Variants in DYNC2H1 observed in about 807,000 individuals in gnomAD.
DYNC2H1 encodes the protein cytoplasmic dynein 2 heavy chain 1.
In DYNC2H1, 410 loss-of-function variants were observed where a neutral mutation model predicts 570.0. That is an observed-to-expected ratio of 0.72 (90% confidence interval 0.66 to 0.78). The LOEUF (loss-of-function observed/expected upper bound fraction) is 0.78. DYNC2H1 is among the 30% of genes least tolerant of loss of function. The pLI, the probability that DYNC2H1 is intolerant of heterozygous loss-of-function variation, is 0.00. For missense variants in DYNC2H1, 4,865 were observed against 5,046.4 expected (o/e 0.96, Z 1.09); for synonymous variants, 1,688 against 1,677.6 (o/e 1.01, Z -0.15).
chr11:103,170,140 G>T lies in DYNC2H1; in HGVS notation c.5001G>T (p.Leu1667=). The T allele has an allele frequency of 6.2e-7, 1 of 1,612,890 alleles. No individual in the cohort carries two copies. The highest frequency in any genetic ancestry group is 1.1e-5 in the South Asian group (1 of 90,930). Residue 1667 remains leucine, a synonymous_variant, in exon 33 of 89, where the codon CTG becomes CTT. Transcript: ENST00000375735. The surrounding 1 kb of genome is among the most constrained non-coding windows in gnomAD (Gnocchi z 4.8). ...GNASKLVYTP[L]TDKCYLTLTQ... ...CTTCCAAACTGGTTTATACTCCACT[G>T]ACAGACAAGTGCTACTTAACTCTCA... is the stretch of plus-strand genomic sequence containing the variant.
chr11:103,307,055 T>C (rs1867320384), intron 77 of DYNC2H1, among the ~76,000 whole-genome samples: 1 of 152,170 alleles, frequency 6.6e-6, no homozygotes, highest in Admixed American at 6.5e-5. Context: ...TTAAATTGTA[T>C]TTTGACAGAT....
intron 20 of DYNC2H1, among the ~76,000 whole-genome samples, chr11:103,150,123 T>C (rs192972422): frequency 6.6e-6 from 1 of 152,268 alleles, no homozygotes; most frequent in East Asian, 1.9e-4. Flanking sequence ...GAGGTGCAAT[T>C]GGAAAGAGAG....
Position 103,222,132 on chromosome 11 carries a change from T to G in DYNC2H1, c.9210T>G (p.Asn3070Lys). 6.3e-7 allele frequency: 1 copy of G among 1,576,978 alleles called. No individual in the cohort carries two copies. Among genetic ancestry groups the G allele is most frequent in the Non-Finnish European group, 8.6e-7 (1 of 1,159,086 alleles). Residue 3070 changes from asparagine (N) to lysine (K), a missense_variant, in exon 58 of 89, where the codon AAT (asparagine) becomes AAG (lysine). By Grantham distance (94) the Asn-to-Lys change is moderately conservative. Around this residue, in one of 5 missense-constraint regions of DYNC2H1, gnomAD observed 2,401 missense variants for 2,454.6 expected, o/e 0.98. Coordinates refer to ENST00000375735, the MANE Select transcript of DYNC2H1 (RefSeq NM_001377.3). The part of the protein sequence containing the change: ...RESVEELLFK[N>K]KGSFDPKNAK... ...GTGTTGAAGAACTTCTTTTTAAAAATAAAGGCTCTTTTGATCCAAAGGTAA... is the reference window on the plus strand; with the variant it reads ...GTGTTGAAGAACTTCTTTTTAAAAAGAAAGGCTCTTTTGATCCAAAGGTAA...
At chr11:103,126,715 C>G (rs1206111174) in intron 12 of DYNC2H1, among the ~76,000 whole-genome samples, 1 of 150,742 alleles carries the variant, frequency 6.6e-6, no homozygotes, top group Admixed American at 6.6e-5. Flanking sequence ...CAGCTCACTG[C>G]AAGCTCCGCC....
At chr11:103,212,586 C>G (rs956016048) in intron 54 of DYNC2H1, among the ~76,000 whole-genome samples, 25 of 151,994 alleles carry the variant, frequency 1.6e-4, no homozygotes, top group Admixed American at 1.3e-4. Flanking sequence ...TCACTTAGTA[C>G]ATTCTGAACA....
chr11:103,323,950 C>T lies in DYNC2H1; in HGVS notation c.11999C>T (p.Ala4000Val), dbSNP rs1304479790. 1 of 1,612,794 alleles carries T rather than the reference C, an allele frequency of 6.2e-7. No individual in the cohort carries two copies. Among genetic ancestry groups the T allele is most frequent in the Non-Finnish European group, 8.5e-7 (1 of 1,179,252 alleles). Residue 4000 changes from alanine to valine, a missense_variant, in exon 82 of 89, where the codon GCC becomes GTC. Physicochemically the swap from Ala to Val is moderately conservative, Grantham distance 64. Transcript: ENST00000375735. ...AAACCTAGTTTCTTTGGTCTGCCTG[C>T]CAATATCGCTCGCTCATCTCAGCGC... ...DDKPSFFGLPANIARSSQRMI... is the reference protein window; with the variant it reads ...DDKPSFFGLPVNIARSSQRMI...
chr11:103,429,869 C>T (rs569284227), intron 84 of DYNC2H1, among the ~76,000 whole-genome samples: 16 of 152,188 alleles, frequency 1.1e-4, no homozygotes, highest in African/African-American at 2.6e-4. Context: ...AGTCTTTTTT[C>T]ACACATCATA....
chr11:103,410,909 C>T (rs1042101254), intron 84 of DYNC2H1, among the ~76,000 whole-genome samples: 6 of 152,104 alleles, frequency 3.9e-5, no homozygotes, highest in African/African-American at 1.4e-4. Context: ...ACTGCTGTTT[C>T]CCGTGGGGGT....
rs138044501 is a variant in DYNC2H1, at chr11:103,350,844, A to G, written c.12040-7399A>G. 5.1e-3 allele frequency among the ~76,000 whole-genome samples: 777 copies of G among 152,104 alleles called. 5 individuals carry two copies. The highest frequency in any genetic ancestry group is 0.017 in the African/African-American group (711 of 41,484). ...CTATCAGATCAGGCCCCGAACCCCT[A>G]TGACCTCATTTACCCTTAATTACCT... On this transcript the variant is annotated intron_variant, in intron 82 of 88. Transcript: ENST00000375735.
At position 103,456,264 on chromosome 11, in the gene DYNC2H1, T is replaced by TAC. The variant is rs748948659; in HGVS notation, c.12567-10_12567-9dup. The TAC allele has an allele frequency of 1.8e-5, 29 of 1,596,276 alleles. No individual in the cohort carries two copies. Among genetic ancestry groups the TAC allele is most frequent in the Non-Finnish European group, 2.5e-5 (29 of 1,168,450 alleles). ...TTATTGATTTGTGACTTTGATGCTT[T>TAC]ACCTTTACAGGGCAGTGGGTCGTTC... On this transcript the variant is annotated splice_polypyrimidine_tract_variant and intron_variant, in intron 86 of 88. Coordinates refer to ENST00000375735, the MANE Select transcript of DYNC2H1 (RefSeq NM_001377.3).
At chr11:103,436,693 C>T (rs1186504116) in intron 85 of DYNC2H1, among the ~76,000 whole-genome samples, 3 of 152,090 alleles carry the variant, frequency 2.0e-5, no homozygotes, top group Non-Finnish European at 4.4e-5. Context: ...TCACATTTGT[C>T]ATCACTCATC....
chr11:103,200,159 G>A lies in DYNC2H1; in HGVS notation c.8197+5G>A. On this transcript the variant is annotated splice_donor_5th_base_variant and intron_variant, in intron 50 of 88. Transcript: ENST00000375735. ...TCAATAGCCTTTTGTCTTCAGGCAA[G>A]TGAACAGTTTCTTTTCGAAGAAAAT... The A allele has an allele frequency of 6.6e-7, 1 of 1,521,066 alleles. No individual in the cohort carries two copies. The highest frequency in any genetic ancestry group is 8.9e-7 in the Non-Finnish European group (1 of 1,122,634). The allele number at this position is 1,521,066 out of a possible 1,614,324, so 94.2% of individuals were successfully genotyped here. A position where few individuals can be genotyped will look rare whatever the true frequency, so the allele number is the denominator to read the frequency against.
chr11:103,467,694 C>T (rs575122944), intron 87 of DYNC2H1, among the ~76,000 whole-genome samples: 21 of 152,198 alleles, frequency 1.4e-4, no homozygotes, highest in African/African-American at 4.8e-4. Flanking sequence ...CCCGCCACCA[C>T]GCCCAGCTAA....
rs963717773 is a variant in DYNC2H1 at position 103,177,665 on chromosome 11, C to T, written c.5984C>T (p.Ala1995Val). ...KSTLWRMLRA[A>V]LCKTGKVVKQ... ...ACGCTTTGGAGAATGTTAAGGGCTG[C>T]GCTTTGTAAAACTGGCAAAGTAGTG... is the stretch of plus-strand genomic sequence containing the variant. The change falls in exon 38 of 89, where the codon GCG (alanine) becomes GTG (valine). Residue 1995 changes from alanine to valine, a missense_variant. Coordinates refer to ENST00000375735, the MANE Select transcript of DYNC2H1 (RefSeq NM_001377.3). The surrounding 1 kb of genome is among the most constrained non-coding windows in gnomAD (Gnocchi z 4.4). 7.4e-6 allele frequency: 12 copies of T among 1,613,000 alleles called. No individual in the cohort carries two copies. The highest frequency in any genetic ancestry group is 4.5e-5 in the East Asian group (2 of 44,802).
Position 103,133,437 on chromosome 11 carries a change from A to T in DYNC2H1, c.1954-118A>T. ...ATCATTTATAAAATGGAAAATTATT[A>T]TGTGCTTTCTTTGTTGCAGGTCAGA... On this transcript the variant is annotated intron_variant, in intron 13 of 88. Coordinates refer to ENST00000375735, the MANE Select transcript of DYNC2H1 (RefSeq NM_001377.3). The surrounding 1 kb of genome is among the most constrained non-coding windows in gnomAD (Gnocchi z 4.8). 2 of 879,036 alleles carry T rather than the reference A, an allele frequency of 2.3e-6. No homozygotes were observed. The highest frequency in any genetic ancestry group is 3.4e-6 in the Non-Finnish European group (2 of 595,776). The allele number at this position is 879,036 out of a possible 1,614,324, so 54.5% of individuals were successfully genotyped here. A position where few individuals can be genotyped will look rare whatever the true frequency, so the allele number is the denominator to read the frequency against.
intron 77 of DYNC2H1, among the ~76,000 whole-genome samples, chr11:103,304,954 T>C (rs933792306): frequency 6.6e-6 from 1 of 152,204 alleles, no homozygotes; most frequent in Non-Finnish European, 1.5e-5. Context: ...ACATTTTTAA[T>C]GAAGATTGAC....
chr11:103,191,357 T>C (rs1420200472), intron 45 of DYNC2H1, among the ~76,000 whole-genome samples, 160 bp from the exon 46 acceptor site: 2 of 152,130 alleles, frequency 1.3e-5, no homozygotes, highest in African/African-American at 4.8e-5. Flanking sequence ...TTTAAGTGCA[T>C]AAAATATAGT....
At chr11:103,410,387 T>C (rs1291485673) in intron 84 of DYNC2H1, among the ~76,000 whole-genome samples, 1 of 152,074 alleles carries the variant, frequency 6.6e-6, no homozygotes, top group African/African-American at 2.4e-5. Flanking sequence ...TGACCTAATG[T>C]TTTTATGTGT....
chr11:103,121,117 G>A, intron 9 of DYNC2H1, 81 bp downstream of exon 9: 1 of 950,454 alleles, frequency 1.1e-6, no homozygotes, highest in Non-Finnish European at 1.5e-6. Flanking sequence ...TACCATTTAG[G>A]ATTAAAGATA....
Sources: gnomAD v4.1 joint callset for allele counts (sites outside exome capture counted in the v4.1 genomes callset) on GRCh38, gnomAD v4.1.1 for gene constraint, gnomAD v4.1.1 regional missense constraint, Gnocchi (gnomAD v3.1) non-coding constraint, MANE v1.5 for transcripts, NCBI Gene and HGNC (gene_info 2026-07-23, HGNC 2026-07-21) for gene names.